Variants in TRDN observed in about 807,000 individuals in gnomAD.
The protein encoded by TRDN is triadin.
Under a neutral mutation model 149.7 loss-of-function variants are expected in TRDN, and 161 were observed. The observed-to-expected ratio is 1.08, with a 90% CI of 0.95 to 1.23. The LOEUF is 1.23. Ranked by LOEUF, TRDN falls within the 50% of genes most tolerant of loss-of-function variation. The pLI is 0.00. For synonymous variants in TRDN, 294 were observed against 250.5 expected (o/e 1.17, Z -1.64); for missense variants, 896 against 823.5 (o/e 1.09, Z -1.08).
At chr6:123,438,602 T>C (rs1751684538) in intron 11 of TRDN, among the ~76,000 whole-genome samples, 1 of 152,110 alleles carries the variant, frequency 6.6e-6, no homozygotes, top group African/African-American at 2.4e-5. Context: ...CTACATAAAA[T>C]GACTTTTAAA....
chr6:123,385,017 C>T (rs1201070429), intron 14 of TRDN, among the ~76,000 whole-genome samples: 4 of 152,150 alleles, frequency 2.6e-5, no homozygotes, highest in African/African-American at 4.8e-5. Context: ...CATTGAGGCT[C>T]CCAGCACCTG....
At chr6:123,587,795 G>C (rs143883816) in intron 1 of TRDN, among the ~76,000 whole-genome samples, 88 of 151,210 alleles carry the variant, frequency 5.8e-4, no homozygotes, top group Non-Finnish European at 1.1e-3. Context: ...GCAGGAGTGG[G>C]GGTCACAAGG....
intron 9 of TRDN, among the ~76,000 whole-genome samples, chr6:123,496,632 A>G (rs1778460457): frequency 1.3e-5 from 2 of 152,066 alleles, no homozygotes. Context: ...AAGATACAAG[A>G]CAAGGTAGAT....
chr6:123,285,523 T>C (rs980539694), intron 24 of TRDN, among the ~76,000 whole-genome samples: 3 of 152,114 alleles, frequency 2.0e-5, no homozygotes, highest in Admixed American at 6.6e-5. Flanking sequence ...TCTTACCTTA[T>C]ACAGAAATCA....
chr6:123,310,980 G>A (rs986406602), intron 24 of TRDN, among the ~76,000 whole-genome samples: 1 of 151,988 alleles, frequency 6.6e-6, no homozygotes, highest in Non-Finnish European at 1.5e-5. Context: ...CCCAAGGACT[G>A]AAGGGAAAGC....
At chr6:123,552,338 T>G (rs1404554167) in intron 2 of TRDN, among the ~76,000 whole-genome samples, 1 of 152,184 alleles carries the variant, frequency 6.6e-6, no homozygotes, top group Non-Finnish European at 1.5e-5. Context: ...ATGCGTGTAC[T>G]TAAGTTTCTA....
At chr6:123,504,045 C>T (rs1286776031) in intron 7 of TRDN, 144 bp from the exon 8 acceptor site, 5 of 863,298 alleles carry the variant, frequency 5.8e-6, no homozygotes, top group Non-Finnish European at 8.5e-6. Context: ...CAGTATTTTT[C>T]AGGAAAACAA....
At chr6:123,507,901 G>A (rs769377860) in intron 7 of TRDN, among the ~76,000 whole-genome samples, 2 of 151,946 alleles carry the variant, frequency 1.3e-5, no homozygotes, top group Non-Finnish European at 2.9e-5. Flanking sequence ...TACTACACAT[G>A]TTGGGAGTTA....
At chr6:123,405,413 A>G (rs1442900340) in intron 12 of TRDN, among the ~76,000 whole-genome samples, 1 of 152,230 alleles carries the variant, frequency 6.6e-6, no homozygotes, top group Non-Finnish European at 1.5e-5. Context: ...AATTCCAACT[A>G]ACCCATCTGA....
chr6:123,557,433 CT>C (rs565315824), intron 2 of TRDN, among the ~76,000 whole-genome samples: 118 of 152,230 alleles, frequency 7.8e-4, no homozygotes, highest in Non-Finnish European at 1.2e-3. Context: ...TTTCTACTCT[CT>C]TCTCCAACCT....
At chr6:123,521,260 A>G (rs79175861) in intron 5 of TRDN, among the ~76,000 whole-genome samples, 2 of 152,264 alleles carry the variant, frequency 1.3e-5, no homozygotes, top group Non-Finnish European at 2.9e-5. Flanking sequence ...CCCAGAGCCT[A>G]AGAATGTGAC....
At chr6:123,597,211 T>G (rs888148200) in intron 1 of TRDN, among the ~76,000 whole-genome samples, 1 of 152,074 alleles carries the variant, frequency 6.6e-6, no homozygotes, top group Admixed American at 6.6e-5. Context: ...GGTTCAAGAC[T>G]TCCGTGGAGG....
chr6:123,595,744 T>C (rs1432288742), intron 1 of TRDN, among the ~76,000 whole-genome samples: 1 of 152,084 alleles, frequency 6.6e-6, no homozygotes, highest in Non-Finnish European at 1.5e-5. Flanking sequence ...GTTACTGTTG[T>C]ATTTGTTTGC....
intron 9 of TRDN, among the ~76,000 whole-genome samples, chr6:123,487,525 A>G (rs1778027092): frequency 6.6e-6 from 1 of 152,030 alleles, no homozygotes; most frequent in African/African-American, 2.4e-5. Flanking sequence ...TCCCATAAAC[A>G]GACTACTACC....
chr6:123,557,701 T>A (rs1185635188), intron 2 of TRDN, among the ~76,000 whole-genome samples: 1 of 151,996 alleles, frequency 6.6e-6, no homozygotes, highest in East Asian at 1.9e-4. Context: ...CCTGTCTTGG[T>A]CCTTCACCCT....
At chr6:123,631,674 A>T (rs1211554584) in intron 1 of TRDN, among the ~76,000 whole-genome samples, 2 of 152,068 alleles carry the variant, frequency 1.3e-5, no homozygotes, top group Admixed American at 6.6e-5. Flanking sequence ...AATTCTTATT[A>T]AAAGATTTAC....
chr6:123,431,327 T>A (rs1774333627), intron 12 of TRDN, among the ~76,000 whole-genome samples: 1 of 152,158 alleles, frequency 6.6e-6, no homozygotes, highest in Non-Finnish European at 1.5e-5. Context: ...GAATGAATTT[T>A]AAAAAATTTT....
chr6:123,239,239 C>T (rs747873621), intron 38 of TRDN, among the ~76,000 whole-genome samples: 18 of 152,168 alleles, frequency 1.2e-4, no homozygotes, highest in East Asian at 5.8e-4. Context: ...TATAAACTTA[C>T]GTATAACATG....
intron 1 of TRDN, among the ~76,000 whole-genome samples, chr6:123,587,538 C>A (rs1783558227): frequency 6.6e-6 from 1 of 152,134 alleles, no homozygotes; most frequent in South Asian, 2.1e-4. Context: ...TCTCACGGAG[C>A]AAAGAACAGG....
Sources: allele counts gnomAD v4.1 joint callset (sites outside exome capture counted in the v4.1 genomes callset), GRCh38; gene constraint gnomAD v4.1.1; transcripts MANE v1.5; gene names NCBI Gene and HGNC (gene_info 2026-07-23, HGNC 2026-07-21).